IQSEC1: variants seen among roughly 807,000 people sequenced by gnomAD.
IQSEC1 encodes IQ motif and Sec7 domain ArfGEF 1.
Under a neutral mutation model 91.0 loss-of-function variants are expected in IQSEC1, and 31 were observed. The ratio of observed to expected loss-of-function variants is 0.34; its 90% confidence interval spans 0.26 to 0.46. The LOEUF is 0.46. Ranked by LOEUF, IQSEC1 falls within the 20% of genes least tolerant of loss-of-function variation. The pLI is 1.00. For synonymous variants in IQSEC1, 699 were observed against 662.6 expected (o/e 1.05, Z -0.84); for missense variants, 1,388 against 1,575.6 (o/e 0.88, Z 2.02).
At chr3:13,071,640 A>G (rs1401509263) in intron 1 of IQSEC1, among the ~76,000 whole-genome samples, 1 of 152,228 alleles carries the variant, frequency 6.6e-6, no homozygotes, top group East Asian at 1.9e-4. Flanking sequence ...CTCTGCTCGC[A>G]TCGACAAACC....
chr3:13,017,078 T>A (rs562461194), intron 1 of IQSEC1, among the ~76,000 whole-genome samples: 1 of 152,232 alleles, frequency 6.6e-6, no homozygotes, highest in Non-Finnish European at 1.5e-5. Context: ...TGTGGCTGAA[T>A]AATATTCCAC....
chr3:13,088,042 T>C (rs190937334), intron 2 of IQSEC1, among the ~76,000 whole-genome samples: 1 of 152,316 alleles, frequency 6.6e-6, no homozygotes, highest in East Asian at 1.9e-4. Flanking sequence ...ACCACAGCAC[T>C]AGAGCACAGT....
intron 1 of IQSEC1, among the ~76,000 whole-genome samples, chr3:13,012,980 T>TTTTTTTTTTTA (rs369486023): frequency 8.0e-5 from 12 of 149,494 alleles, no homozygotes; most frequent in Admixed American, 2.0e-4. Context: ...TTTTTTTTTT[T>TTTTTTTTTTTA]GAGACAGTCT....
At chr3:13,109,018 A>G (rs529589602) in intron 2 of IQSEC1, among the ~76,000 whole-genome samples, 1 of 152,326 alleles carries the variant, frequency 6.6e-6, no homozygotes, top group Admixed American at 6.5e-5. Flanking sequence ...GGGCCTGGCC[A>G]TGGATGCATG....
intron 1 of IQSEC1, among the ~76,000 whole-genome samples, chr3:13,185,988 C>T (rs968632522): frequency 9.9e-5 from 15 of 152,250 alleles, no homozygotes; most frequent in Non-Finnish European, 1.5e-4. Context: ...TGGGCTTTGA[C>T]GCCATGACTC....
At chr3:13,110,852 C>T (rs1015295567) in intron 2 of IQSEC1, among the ~76,000 whole-genome samples, 32 of 152,114 alleles carry the variant, frequency 2.1e-4, no homozygotes, top group African/African-American at 7.5e-4. Context: ...AATTAAAGGG[C>T]CGAAGTAAAT....
At position 13,114,059 on chromosome 3, in the gene IQSEC1, G is replaced by C. The variant is rs556715629; in HGVS notation, c.302+50045C>G. 3.2e-4 allele frequency among the ~76,000 whole-genome samples: 49 copies of C among 152,360 alleles called. 1 individual carries two copies. The highest frequency in any genetic ancestry group is 1.1e-3 in the African/African-American group (46 of 41,580). On this transcript the variant is annotated intron_variant, in intron 2 of 15. Coordinates refer to the IQSEC1 transcript ENST00000648114. ...AGGCTTAGCGTGTGCACACACTGTTGATGCAAATGCACAGAAGATTCTGGA... is the reference window on the plus strand; with the variant it reads ...AGGCTTAGCGTGTGCACACACTGTTCATGCAAATGCACAGAAGATTCTGGA...
chr3:12,941,973 G>T (rs942081605), intron 1 of IQSEC1, 108 bp from the exon 2 acceptor site: 2 of 1,053,852 alleles, frequency 1.9e-6, no homozygotes, highest in Non-Finnish European at 2.7e-6. Context: ...CCCCATGCCC[G>T]TTCTTCTCAC....
At position 12,940,501 on chromosome 3, in the gene IQSEC1, G is replaced by C. The variant is rs1346114392; in HGVS notation, c.318+1070C>G. 6.6e-6 allele frequency among the ~76,000 whole-genome samples: 1 copy of C among 151,986 alleles called. No homozygotes were observed. The highest frequency in any genetic ancestry group is 1.5e-5 in the Non-Finnish European group (1 of 67,978). On this transcript the variant is annotated intron_variant, in intron 2 of 13. Transcript: ENST00000613206. The surrounding 1 kb of genome is among the most constrained non-coding windows in gnomAD (Gnocchi z 4.4). The stretch of plus-strand genomic sequence containing the variant: ...CGGGGCCACAGGATGGGTGTGGGTG[G>C]GAGTGAAGGCCAGGGGCTTCTGCAG...
intron 1 of IQSEC1, among the ~76,000 whole-genome samples, chr3:12,943,977 G>A (rs1698992577): frequency 6.6e-6 from 1 of 152,208 alleles, no homozygotes; most frequent in Admixed American, 6.5e-5. Context: ...CAGGAGCTGG[G>A]CCATGACAGA....
intron 1 of IQSEC1, among the ~76,000 whole-genome samples, chr3:12,985,257 C>T (rs1036789887): frequency 2.0e-5 from 3 of 152,220 alleles, no homozygotes; most frequent in African/African-American, 7.2e-5. Context: ...TCAGCCCTCT[C>T]ACTGAGGCTG....
intron 1 of IQSEC1, among the ~76,000 whole-genome samples, chr3:13,270,892 A>G (rs1695580391): frequency 1.3e-5 from 2 of 152,222 alleles, no homozygotes; most frequent in Admixed American, 6.5e-5. Flanking sequence ...TCTGTCTACA[A>G]GAGATTCACT....
At chr3:12,997,847 G>A (rs1021736816) in intron 1 of IQSEC1, among the ~76,000 whole-genome samples, 1 of 152,174 alleles carries the variant, frequency 6.6e-6, no homozygotes, top group African/African-American at 2.4e-5. Flanking sequence ...TAAAAATATG[G>A]TATTATCATC....
rs1410462732 is a variant in IQSEC1 at position 12,924,883 on chromosome 3, G to A, written c.1569-141C>T. The A allele has an allele frequency of 2.7e-6, 2 of 751,302 alleles. No homozygotes were observed. Among genetic ancestry groups the A allele is most frequent in the East Asian group, 3.2e-5 (1 of 31,592 alleles). 46.5% of individuals were successfully genotyped at this position (751,302 alleles called of 1,614,324 possible). On this transcript the variant is annotated intron_variant, in intron 3 of 13. Coordinates refer to ENST00000613206, the MANE Select transcript of IQSEC1 (RefSeq NM_001134382.3). This position sits in a 1 kb window ranked among gnomAD's most constrained non-coding sequence, Gnocchi z 6.3. Reference sequence around the variant, plus strand: ...GGCCTTCATCCCTGTAGGCATTCAGGGGTCTCTAGTTCCATCTCCAGCCTG... The same window carrying A: ...GGCCTTCATCCCTGTAGGCATTCAGAGGTCTCTAGTTCCATCTCCAGCCTG...
chr3:13,159,706 A>G (rs1415401287), intron 2 of IQSEC1, among the ~76,000 whole-genome samples: 1 of 152,094 alleles, frequency 6.6e-6, no homozygotes, highest in Non-Finnish European at 1.5e-5. Context: ...TGAGACCCCC[A>G]CCCACAGTGA....
intron 1 of IQSEC1, among the ~76,000 whole-genome samples, chr3:13,041,135 A>G (rs954211011): frequency 6.6e-6 from 1 of 151,856 alleles, no homozygotes; most frequent in Non-Finnish European, 1.5e-5. Context: ...TGAACAATTA[A>G]GTATATAAAG....
At chr3:13,124,637 A>C (rs1386714754) in intron 2 of IQSEC1, among the ~76,000 whole-genome samples, 1 of 152,226 alleles carries the variant, frequency 6.6e-6, no homozygotes, top group African/African-American at 2.4e-5. Context: ...TGGCTAGGCA[A>C]GGCTGCCACA....
chr3:12,901,204 G>T lies in IQSEC1; in HGVS notation c.3124C>A (p.His1042Asn). ...CHMQNPPPYH[H>N]HHHHHPPQHI... ...TGGGGTGGGTGGTGGTGGTGGTGAT[G>T]GTGGTACGGGGGAGGGTTCTGCATG... is the stretch of plus-strand genomic sequence containing the variant. Residue 1042 changes from histidine to asparagine, a missense_variant, in exon 14 of 14, where the codon CAT becomes AAT. Transcript: ENST00000613206. 1 of 1,546,244 alleles carries T rather than the reference G, an allele frequency of 6.5e-7. No homozygotes were observed. The highest frequency in any genetic ancestry group is 8.7e-7 in the Non-Finnish European group (1 of 1,144,840).
intron 1 of IQSEC1, among the ~76,000 whole-genome samples, chr3:13,231,028 G>A (rs1205607925): frequency 6.6e-6 from 1 of 152,172 alleles, no homozygotes; most frequent in Admixed American, 6.5e-5. Context: ...TTTTCATAAA[G>A]TATTGATGAT....
Sources: gnomAD v4.1 joint callset for allele counts (sites outside exome capture counted in the v4.1 genomes callset) on GRCh38, gnomAD v4.1.1 for gene constraint, Gnocchi (gnomAD v3.1) non-coding constraint, MANE v1.5 for transcripts, NCBI Gene and HGNC (gene_info 2026-07-23, HGNC 2026-07-21) for gene names.